The following GRIP1 variants were observed in gnomAD, a reference collection of about 807,000 sequenced individuals.
The protein encoded by GRIP1 is glutamate receptor-interacting protein 1.
In GRIP1, 45 loss-of-function variants were observed where a neutral mutation model predicts 129.9. That is an observed-to-expected ratio of 0.35 (90% CI 0.27 to 0.44). The LOEUF is 0.44. Among genes scored for constraint, GRIP1 ranks in the 20% least tolerant of loss-of-function variants. GRIP1 has a pLI of 1.00. For missense variants in GRIP1, 1,196 were observed against 1,396.8 expected (o/e 0.86, Z 2.29); for synonymous variants, 530 against 520.8 (o/e 1.02, Z -0.24).
At chr12:67,009,010 T>C (rs1472931604) in intron 1 of GRIP1, among the ~76,000 whole-genome samples, 1 of 152,192 alleles carries the variant, frequency 6.6e-6, no homozygotes. Context: ...AGAATTAATC[T>C]TGTATTTGTT....
intron 5 of GRIP1, among the ~76,000 whole-genome samples, chr12:66,524,802 T>C (rs184273709): frequency 1.9e-3 from 290 of 151,608 alleles, no homozygotes; most frequent in African/African-American, 6.7e-3. Flanking sequence ...TAAAGAAGAA[T>C]AGAGAGAAGA....
chr12:66,446,101 C>CCCCA (rs1312862706), intron 11 of GRIP1, among the ~76,000 whole-genome samples: 1 of 149,904 alleles, frequency 6.7e-6, no homozygotes, highest in East Asian at 2.0e-4. Context: ...CCTGCCGCCC[C>CCCCA]CCACCACCAC....
chr12:66,716,627 G>A (rs997866575), intron 1 of GRIP1, among the ~76,000 whole-genome samples: 1 of 151,822 alleles, frequency 6.6e-6, no homozygotes, highest in African/African-American at 2.4e-5. Context: ...GGAGGCATGG[G>A]TTAAGAATAC....
At chr12:66,754,818 C>T (rs2136636964) in intron 1 of GRIP1, among the ~76,000 whole-genome samples, 1 of 152,160 alleles carries the variant, frequency 6.6e-6, no homozygotes, top group African/African-American at 2.4e-5. Context: ...AAAATAACTG[C>T]ATGCCAGCAT....
upstream of GRIP1, among the ~76,000 whole-genome samples, chr12:66,680,328 T>A (rs1322984526): frequency 1.3e-5 from 2 of 152,172 alleles, no homozygotes; most frequent in Admixed American, 6.6e-5. Flanking sequence ...ACAATTTCAA[T>A]CCACTGCTAT....
intron 1 of GRIP1, among the ~76,000 whole-genome samples, chr12:66,622,182 A>G (rs544359287): frequency 6.6e-6 from 1 of 152,142 alleles, no homozygotes; most frequent in Non-Finnish European, 1.5e-5. Context: ...TTCCACTTTG[A>G]TTAACCTATA....
chr12:66,660,487 C>G (rs1555223701), intron 1 of GRIP1, among the ~76,000 whole-genome samples: 2 of 152,036 alleles, frequency 1.3e-5, no homozygotes, highest in Non-Finnish European at 1.5e-5. Context: ...AACAAAGTAT[C>G]AATTAGTTAT....
At chr12:66,732,833 CT>C (rs1024570551) in intron 1 of GRIP1, among the ~76,000 whole-genome samples, 4 of 152,126 alleles carry the variant, frequency 2.6e-5, no homozygotes, top group African/African-American at 7.2e-5. Flanking sequence ...GTCAGTGCCC[CT>C]AATCCCCACT....
intron 7 of GRIP1, among the ~76,000 whole-genome samples, chr12:66,487,014 C>T (rs1383627509): frequency 6.6e-6 from 1 of 152,108 alleles, no homozygotes; most frequent in East Asian, 1.9e-4. Flanking sequence ...TGGTCTCAAA[C>T]TCCAGACCTC....
chr12:66,636,175 G>C (rs1407960362), intron 1 of GRIP1, among the ~76,000 whole-genome samples: 2 of 152,126 alleles, frequency 1.3e-5, no homozygotes, highest in African/African-American at 2.4e-5. Flanking sequence ...AATACTGTAT[G>C]GTTCCATTTC....
At chr12:67,018,469 A>G (rs1429317227) in intron 1 of GRIP1, among the ~76,000 whole-genome samples, 2 of 152,310 alleles carry the variant, frequency 1.3e-5, no homozygotes, top group Non-Finnish European at 2.9e-5. Context: ...GAATTCCGCA[A>G]CAGATAACCC....
chr12:66,657,167 A>G (rs1208785176), intron 1 of GRIP1, among the ~76,000 whole-genome samples: 1 of 152,222 alleles, frequency 6.6e-6, no homozygotes, highest in African/African-American at 2.4e-5. Flanking sequence ...CCTTTAAATG[A>G]TGTAAGACAG....
chr12:66,704,290 A>C (rs900719308), intron 1 of GRIP1, among the ~76,000 whole-genome samples: 2 of 152,048 alleles, frequency 1.3e-5, no homozygotes, highest in Non-Finnish European at 2.9e-5. Context: ...AAAGCAATAG[A>C]AGAAATTATT....
chr12:66,917,063 C>A (rs890070620), intron 1 of GRIP1, among the ~76,000 whole-genome samples: 2 of 152,164 alleles, frequency 1.3e-5, no homozygotes, highest in Admixed American at 1.3e-4. Flanking sequence ...TGATCTCCAA[C>A]ACATTTCTCA....
At chr12:66,830,704 T>G (rs552856906) in intron 1 of GRIP1, among the ~76,000 whole-genome samples, 2 of 151,962 alleles carry the variant, frequency 1.3e-5, no homozygotes, top group African/African-American at 4.8e-5. Flanking sequence ...TCATCCCCAT[T>G]TTACAAATGA....
intron 1 of GRIP1, among the ~76,000 whole-genome samples, chr12:66,863,342 A>G (rs944017400): frequency 6.6e-6 from 1 of 152,176 alleles, no homozygotes; most frequent in Non-Finnish European, 1.5e-5. Context: ...TTTGAAGTTG[A>G]TTTCTAATAG....
At chr12:66,469,868 AAACTG>A (rs201683293) in intron 7 of GRIP1, among the ~76,000 whole-genome samples, 1 of 152,160 alleles carries the variant, frequency 6.6e-6, no homozygotes, top group East Asian at 1.9e-4. Context: ...CACATGTCCC[AAACTG>A]AAGAGTGAGA....
At chr12:66,370,225 G>C (rs1273243019) in intron 23 of GRIP1, among the ~76,000 whole-genome samples, 1 of 152,218 alleles carries the variant, frequency 6.6e-6, no homozygotes, top group East Asian at 1.9e-4. Context: ...AGGCTGCCCA[G>C]GCTTGCCTCT....
At chr12:66,383,241 G>A (rs1045414471) in intron 19 of GRIP1, among the ~76,000 whole-genome samples, 1 of 151,834 alleles carries the variant, frequency 6.6e-6, no homozygotes, top group African/African-American at 2.4e-5. Flanking sequence ...AGGTTGCAGC[G>A]AGCTGAAGGC....
Sources: allele counts gnomAD v4.1 joint callset (sites outside exome capture counted in the v4.1 genomes callset), GRCh38; gene constraint gnomAD v4.1.1; transcripts MANE v1.5; gene names NCBI Gene and HGNC (gene_info 2026-07-23, HGNC 2026-07-21).